The following ECPAS variants were observed in gnomAD, a reference collection of about 807,000 sequenced individuals.
ECPAS encodes the protein Ecm29 proteasome adaptor and scaffold.
In ECPAS, 70 loss-of-function variants were observed where a neutral mutation model predicts 255.1. The ratio of observed to expected loss-of-function variants is 0.27; its 90% CI spans 0.23 to 0.33. The LOEUF (loss-of-function observed/expected upper bound fraction) is 0.33, where lower values mean the gene tolerates loss of function less well. Ranked by LOEUF, ECPAS falls within the 10% of genes least tolerant of loss-of-function variation. ECPAS has a pLI of 1.00. For missense variants in ECPAS, 1,817 were observed against 2,206.4 expected (o/e 0.82, Z 3.54); for synonymous variants, 784 against 775.0 (o/e 1.01, Z -0.19).
intron 1 of ECPAS, among the ~76,000 whole-genome samples, chr9:111,478,972 A>C (rs1589246530): frequency 6.6e-6 from 1 of 152,148 alleles, no homozygotes; most frequent in African/African-American, 2.4e-5. Context: ...TCTGATTTGA[A>C]CTGTTCATCA....
rs72748014 is a variant in ECPAS at position 111,481,506 on chromosome 9, A to G, written c.-83+2610T>C. On this transcript the variant is annotated intron_variant, in intron 1 of 49. Coordinates refer to ENST00000684092, the MANE Select transcript of ECPAS (RefSeq NM_001364929.1). ...GGGCGACAGAGCAAGACTTGGTCTC[A>G]AGAAAAAAAAAAGAAAAAAGAAAAC... 9.9e-5 allele frequency among the ~76,000 whole-genome samples: 15 copies of G among 152,230 alleles called. No homozygotes were observed. In the South Asian group the frequency reaches 2.9e-3, roughly 29 times the overall value.
In ECPAS at chr9:111,378,589, C is replaced by T. The variant is rs2098136378; in HGVS notation, c.3945G>A (p.Glu1315=). 1 of 1,613,160 alleles carries T rather than the reference C, an allele frequency of 6.2e-7. No individual in the cohort carries two copies. The highest frequency in any genetic ancestry group is 8.5e-7 in the Non-Finnish European group (1 of 1,179,360). The change falls in exon 36 of 50, where the codon GAG becomes GAA. Residue 1315 remains glutamate (E), a synonymous_variant. Coordinates refer to ENST00000684092, the MANE Select transcript of ECPAS (RefSeq NM_001364929.1). ...VLNYLSLRAT[E]QEKAAMDSAR... ...TGCGCTATCCACTCACCTTTTCTTG[C>T]TCTGTCGCCCGGAGGCTCAAATAAT...
intron 1 of ECPAS, among the ~76,000 whole-genome samples, chr9:111,475,428 G>A (rs1403886244): frequency 1.3e-5 from 2 of 152,152 alleles, no homozygotes; most frequent in Non-Finnish European, 2.9e-5. Flanking sequence ...TTTACTGAAA[G>A]CATAATTCAA....
chr9:111,436,840 G>T, intron 7 of ECPAS, 100 bp downstream of exon 7: 1 of 1,005,722 alleles, frequency 9.9e-7, no homozygotes. Flanking sequence ...TTTCACTGGA[G>T]AGCCTGAATA....
At chr9:111,451,312 G>T in intron 3 of ECPAS, 113 bp downstream of exon 3, 1 of 1,049,384 alleles carries the variant, frequency 9.5e-7, no homozygotes, top group Non-Finnish European at 1.4e-6. Context: ...ATTTTGAAAG[G>T]CCATAATTAA....
Position 111,451,560 on chromosome 9 carries a change from A to AGG in ECPAS, c.23-6_23-5insCC. On this transcript the variant is annotated splice_polypyrimidine_tract_variant and splice_region_variant and intron_variant, in intron 2 of 49. Coordinates refer to ENST00000684092, the MANE Select transcript of ECPAS (RefSeq NM_001364929.1). Reference sequence around the variant, plus strand: ...AAAAGACCCGTTCAAGCTGATCTATAATATAAAAAGAAAAAAAGAGAGAAC... The same window carrying AGG: ...AAAAGACCCGTTCAAGCTGATCTATAGGATATAAAAAGAAAAAAAGAGAGAAC... The AGG allele has an allele frequency of 6.5e-7, 1 of 1,537,794 alleles. No homozygotes were observed. Among genetic ancestry groups the AGG allele is most frequent in the Non-Finnish European group, 8.7e-7 (1 of 1,149,228 alleles).
chr9:111,377,910 G>A (rs1005317646), intron 36 of ECPAS, among the ~76,000 whole-genome samples: 3 of 152,186 alleles, frequency 2.0e-5, no homozygotes, highest in Admixed American at 2.0e-4. Flanking sequence ...ACTTTGGGAG[G>A]CTGAGGCGGG....
At chr9:111,374,943 C>T (rs2297523) in intron 38 of ECPAS, among the ~76,000 whole-genome samples, 170 bp downstream of exon 38, 8,506 of 152,212 alleles carry the variant, frequency 0.056, 578 homozygotes, top group African/African-American at 0.15. Context: ...TGTTTTATTT[C>T]TTGAACCAGT....
chr9:111,445,286 C>T (rs1265778211), intron 3 of ECPAS, among the ~76,000 whole-genome samples: 2 of 151,978 alleles, frequency 1.3e-5, no homozygotes, highest in African/African-American at 4.8e-5. Context: ...TGAGCCACCG[C>T]GCCTGGCCAA....
chr9:111,429,720 G>T (rs746091404), intron 9 of ECPAS, among the ~76,000 whole-genome samples: 2 of 152,146 alleles, frequency 1.3e-5, no homozygotes, highest in African/African-American at 4.8e-5. Flanking sequence ...AAGCAAAAAG[G>T]CAGACAGGTG....
chr9:111,478,440 T>A (rs1245310123), intron 1 of ECPAS, among the ~76,000 whole-genome samples: 1 of 151,930 alleles, frequency 6.6e-6, no homozygotes, highest in Non-Finnish European at 1.5e-5. Context: ...GGCAGGAGAA[T>A]CGCTTGAACC....
chr9:111,422,690 C>T (rs1243377474), intron 13 of ECPAS, among the ~76,000 whole-genome samples: 4 of 152,126 alleles, frequency 2.6e-5, no homozygotes, highest in Non-Finnish European at 5.9e-5. Context: ...GCACATGGTG[C>T]CACTGAGAAT....
intron 9 of ECPAS, among the ~76,000 whole-genome samples, chr9:111,429,362 C>T (rs540362957): frequency 6.6e-6 from 1 of 152,118 alleles, no homozygotes; most frequent in South Asian, 2.1e-4. Flanking sequence ...CAAGTACACT[C>T]ACCATTGCTT....
At chr9:111,369,561 A>T (rs1228886768) in intron 45 of ECPAS, among the ~76,000 whole-genome samples, 1 of 152,212 alleles carries the variant, frequency 6.6e-6, no homozygotes, top group Non-Finnish European at 1.5e-5. Context: ...CTAGTGATGT[A>T]ATCAACTTAA....
intron 1 of ECPAS, among the ~76,000 whole-genome samples, chr9:111,482,370 C>G (rs1199095168): frequency 6.6e-6 from 1 of 152,218 alleles, no homozygotes; most frequent in African/African-American, 2.4e-5. Flanking sequence ...AACCTGCCTC[C>G]TCTTTAAAAC....
At chr9:111,466,414 C>T (rs1242460740) in intron 2 of ECPAS, among the ~76,000 whole-genome samples, 1 of 152,010 alleles carries the variant, frequency 6.6e-6, no homozygotes, top group Non-Finnish European at 1.5e-5. Context: ...CATTGCACTC[C>T]AGCCTGGGCG....
At chr9:111,455,894 T>C (rs1038533858) in intron 2 of ECPAS, among the ~76,000 whole-genome samples, 6 of 152,224 alleles carry the variant, frequency 3.9e-5, no homozygotes, top group African/African-American at 1.4e-4. Context: ...TTGGTGACCT[T>C]GCTACACTAA....
chr9:111,414,097 T>C, intron 19 of ECPAS, 111 bp from the exon 20 acceptor site: 1 of 681,652 alleles, frequency 1.5e-6, no homozygotes, highest in Non-Finnish European at 2.3e-6. Flanking sequence ...ATTCTTTCGG[T>C]TCTATTAAAA....
intron 45 of ECPAS, among the ~76,000 whole-genome samples, chr9:111,369,952 CAAAT>C (rs990913600): frequency 1.3e-5 from 2 of 152,206 alleles, no homozygotes; most frequent in African/African-American, 4.8e-5. Context: ...CATTCACTAC[CAAAT>C]CCACTCTCCC....
Sources: gnomAD v4.1 joint callset for allele counts (sites outside exome capture counted in the v4.1 genomes callset) on GRCh38, gnomAD v4.1.1 for gene constraint, MANE v1.5 for transcripts, NCBI Gene and HGNC (gene_info 2026-07-23, HGNC 2026-07-21) for gene names.